Variants in KDM4C observed in about 807,000 individuals in gnomAD.
KDM4C encodes lysine demethylase 4C.
KDM4C carries 81 observed loss-of-function variants against 129.3 expected under a neutral mutation model. The observed-to-expected ratio is 0.63, with a 90% CI of 0.52 to 0.75. The LOEUF (loss-of-function observed/expected upper bound fraction) is 0.75, where lower values mean the gene tolerates loss of function less well. KDM4C is among the 30% of genes least tolerant of loss of function. The pLI, the probability that KDM4C is intolerant of heterozygous loss-of-function variation, is 0.00. For synonymous variants in KDM4C, 573 were observed against 456.1 expected (o/e 1.26, Z -3.26); for missense variants, 1,457 against 1,304.0 (o/e 1.12, Z -1.81).
At chr9:6,806,878 G>GTCTCCGTCTCCCTCTCCC (rs1354711155) in intron 3 of KDM4C, among the ~76,000 whole-genome samples, 8 of 139,540 alleles carry the variant, frequency 5.7e-5, no homozygotes, top group African/African-American at 2.5e-4. Flanking sequence ...CTCCGTCTCC[G>GTCTCCGTCTCCCTCTCCC]TCTCCCTCTC....
intron 18 of KDM4C, among the ~76,000 whole-genome samples, chr9:7,123,915 C>T (rs1839768173): frequency 6.6e-6 from 1 of 152,090 alleles, no homozygotes; most frequent in African/African-American, 2.4e-5. Context: ...AGGGTGCTGC[C>T]CACTCATCCA....
chr9:6,975,522 G>C (rs1303400044), intron 8 of KDM4C, among the ~76,000 whole-genome samples: 1 of 152,166 alleles, frequency 6.6e-6, no homozygotes, highest in Non-Finnish European at 1.5e-5. Flanking sequence ...ATGTGACCTT[G>C]GACTAATTAA....
intron 18 of KDM4C, among the ~76,000 whole-genome samples, chr9:7,112,807 CT>C (rs1466033993): frequency 1.1e-4 from 16 of 152,196 alleles, no homozygotes; most frequent in Non-Finnish European, 2.2e-4. Flanking sequence ...TTAGCTAACA[CT>C]TATCTCACAG....
In KDM4C at chr9:6,758,116, C is replaced by A. The variant is rs1239320279; in HGVS notation, c.-105C>A. 1.0e-6 allele frequency: 1 copy of A among 985,570 alleles called. No individual in the cohort carries two copies. The allele number at this position is 985,570 out of a possible 1,614,324, so 61.1% of individuals were successfully genotyped here. ...GTCACCTAGTGCGGAACAAGTCTCC[C>A]AAATTTCCCAAATCTCCCTGGGCCG... On this transcript the variant is annotated 5_prime_UTR_variant, in exon 1 of 22. Transcript: ENST00000381309. This position sits in a 1 kb window ranked among gnomAD's most constrained non-coding sequence, Gnocchi z 4.6.
intron 19 of KDM4C, among the ~76,000 whole-genome samples, chr9:7,135,376 CT>C (rs1841089209): frequency 6.6e-6 from 1 of 152,182 alleles, no homozygotes; most frequent in Non-Finnish European, 1.5e-5. Context: ...TTCCTTCCCA[CT>C]TTTTTCTTTC....
At chr9:7,034,532 C>G (rs1027078262) in intron 15 of KDM4C, among the ~76,000 whole-genome samples, 1 of 152,180 alleles carries the variant, frequency 6.6e-6, no homozygotes, top group Non-Finnish European at 1.5e-5. Flanking sequence ...GACAAGATTT[C>G]ATTCCATGGT....
intron 8 of KDM4C, among the ~76,000 whole-genome samples, chr9:6,969,668 T>TA (rs1831608360): frequency 6.6e-6 from 1 of 152,254 alleles, no homozygotes; most frequent in Non-Finnish European, 1.5e-5. Flanking sequence ...TACAAATTGT[T>TA]ACGCTCTGGT....
intron 19 of KDM4C, among the ~76,000 whole-genome samples, chr9:7,145,181 C>T (rs547103149): frequency 2.0e-5 from 3 of 152,262 alleles, no homozygotes; most frequent in Admixed American, 1.3e-4. Context: ...GTTAAAGGTG[C>T]GTGGCCAGAG....
At chr9:6,970,953 T>C (rs1367617048) in intron 8 of KDM4C, among the ~76,000 whole-genome samples, 2 of 152,160 alleles carry the variant, frequency 1.3e-5, no homozygotes, top group African/African-American at 4.8e-5. Flanking sequence ...ATTTGGTCTT[T>C]CAGACCCCAT....
intron 1 of KDM4C, among the ~76,000 whole-genome samples, chr9:6,765,229 G>A (rs1209238302): frequency 1.3e-5 from 2 of 152,110 alleles, no homozygotes; most frequent in Non-Finnish European, 2.9e-5. Context: ...GGTTTTTCAT[G>A]TTCTCTCTAC....
chr9:6,904,076 C>T (rs967635306), intron 8 of KDM4C, among the ~76,000 whole-genome samples: 1 of 151,860 alleles, frequency 6.6e-6, no homozygotes, highest in Non-Finnish European at 1.5e-5. Context: ...CTCATGTCTG[C>T]GAAAAATACA....
At chr9:6,912,108 G>T (rs527431715) in intron 8 of KDM4C, among the ~76,000 whole-genome samples, 73 of 152,294 alleles carry the variant, frequency 4.8e-4, no homozygotes, top group African/African-American at 1.6e-3. Flanking sequence ...TTTTCTCAAG[G>T]TGCAGGCAGA....
intron 5 of KDM4C, among the ~76,000 whole-genome samples, chr9:6,860,540 A>G (rs1256178437): frequency 1.3e-5 from 2 of 152,212 alleles, no homozygotes. Context: ...TGATGAAATT[A>G]TCCCTACAAC....
chr9:6,803,161 GC>G (rs1272690025), intron 2 of KDM4C, among the ~76,000 whole-genome samples: 1 of 152,154 alleles, frequency 6.6e-6, no homozygotes, highest in African/African-American at 2.4e-5. Context: ...GCAATATCTT[GC>G]CTCTTACACC....
intron 12 of KDM4C, among the ~76,000 whole-genome samples, chr9:7,001,609 T>C (rs1384699364): frequency 3.3e-5 from 5 of 152,230 alleles, no homozygotes. Context: ...ATGGCCACCC[T>C]ACTTGAAGTT....
At chr9:7,101,364 C>G (rs142294552) in intron 17 of KDM4C, among the ~76,000 whole-genome samples, 2 of 152,214 alleles carry the variant, frequency 1.3e-5, no homozygotes, top group South Asian at 2.1e-4. Flanking sequence ...TAGCAACAAA[C>G]AAATGAAAAT....
intron 19 of KDM4C, among the ~76,000 whole-genome samples, chr9:7,133,763 G>T (rs564918060): frequency 6.6e-6 from 1 of 152,290 alleles, no homozygotes; most frequent in East Asian, 1.9e-4. Flanking sequence ...CCCTCGCTTG[G>T]CAAGCATAGG....
intron 17 of KDM4C, among the ~76,000 whole-genome samples, chr9:7,094,167 C>T (rs1357501708): frequency 1.3e-5 from 2 of 152,110 alleles, no homozygotes; most frequent in African/African-American, 4.8e-5. Flanking sequence ...AAATATTGAC[C>T]ATTTACTTGT....
At chr9:6,798,411 G>A (rs1210456455) in intron 2 of KDM4C, among the ~76,000 whole-genome samples, 19 of 151,860 alleles carry the variant, frequency 1.3e-4, no homozygotes, top group African/African-American at 4.6e-4. Flanking sequence ...TGTGTCCCTG[G>A]GTACTTGAGA....
Sources: gnomAD v4.1 joint callset for allele counts (sites outside exome capture counted in the v4.1 genomes callset) on GRCh38, gnomAD v4.1.1 for gene constraint, Gnocchi (gnomAD v3.1) non-coding constraint, MANE v1.5 for transcripts, NCBI Gene and HGNC (gene_info 2026-07-23, HGNC 2026-07-21) for gene names.